Variants in GATA4 observed in about 807,000 individuals in gnomAD.
GATA4 encodes GATA binding protein 4.
A neutral mutation model predicts 37.9 loss-of-function variants in GATA4; 7 were observed. The observed-to-expected ratio is 0.18, with a 90% CI of 0.11 to 0.35. GATA4 has a LOEUF of 0.35. Ranked by LOEUF, GATA4 falls within the 10% of genes least tolerant of loss-of-function variation. The pLI, the probability that GATA4 is intolerant of heterozygous loss-of-function variation, is 1.00. For missense variants in GATA4, 647 were observed against 653.0 expected, an observed-to-expected ratio of 0.99 and a Z score of 0.10; for synonymous variants, 372 against 292.6, an observed-to-expected ratio of 1.27 and a Z score of -2.77.
chr8:11,733,008 T>G (rs979019097), intron 2 of GATA4, among the ~76,000 whole-genome samples: 3 of 152,130 alleles, frequency 2.0e-5, no homozygotes, highest in African/African-American at 7.2e-5. Flanking sequence ...TAAATTTCCT[T>G]GTTAATAAAA....
At chr8:11,710,288 G>T (rs964964953) in intron 2 of GATA4, among the ~76,000 whole-genome samples, 1 of 152,164 alleles carries the variant, frequency 6.6e-6, no homozygotes, top group Non-Finnish European at 1.5e-5. Flanking sequence ...GCCACCCCCA[G>T]GGGAGGAGGG....
At chr8:11,689,638 C>T (rs77046931), upstream of GATA4, among the ~76,000 whole-genome samples, 950 of 152,286 alleles carry the variant, frequency 6.2e-3, 9 homozygotes, top group African/African-American at 0.021. Context: ...GGAATGACTG[C>T]GGTTTTGAAT....
intron 4 of GATA4, among the ~76,000 whole-genome samples, chr8:11,751,508 C>A (rs556736676): frequency 6.6e-6 from 1 of 152,214 alleles, no homozygotes; most frequent in East Asian, 1.9e-4. Context: ...CTGTGTACCC[C>A]CTTGGTACCT....
At chr8:11,716,975 G>C (rs1395844026) in intron 2 of GATA4, among the ~76,000 whole-genome samples, 1 of 152,226 alleles carries the variant, frequency 6.6e-6, no homozygotes, top group African/African-American at 2.4e-5. Flanking sequence ...TTAAGAACTT[G>C]AAGCAACTTT....
rs1329688744 is a variant in GATA4, at chr8:11,708,627, G to A, written c.315G>A (p.Ser105=). 3 of 1,340,502 alleles carry A rather than the reference G, an allele frequency of 2.2e-6. No individual in the cohort carries two copies. Among genetic ancestry groups the A allele is most frequent in the Admixed American group, 6.4e-5 (2 of 31,224 alleles). 83.0% of individuals were successfully genotyped at this position (1,340,502 alleles called of 1,614,324 possible). A position where few individuals can be genotyped will look rare whatever the true frequency, so the allele number is the denominator to read the frequency against. ...CCGCTTACACCCCGCCGCCGGTGTC[G>A]CCGCGCTTCTCCTTCCCGGGGACCA... ...DGAAYTPPPV[S]PRFSFPGTTG... Residue 105 remains serine, a synonymous_variant, in exon 2 of 7, where the codon TCG becomes TCA. Transcript: ENST00000532059. This position sits in a 1 kb window ranked among gnomAD's most constrained non-coding sequence, Gnocchi z 6.7.
At chr8:11,739,832 G>T (rs911767546) in intron 2 of GATA4, among the ~76,000 whole-genome samples, 3 of 152,182 alleles carry the variant, frequency 2.0e-5, no homozygotes, top group Non-Finnish European at 4.4e-5. Context: ...TGCCCGGCCT[G>T]CTCTGCACCT....
At chr8:11,744,443 G>A (rs1328410222) in intron 2 of GATA4, among the ~76,000 whole-genome samples, 3 of 152,216 alleles carry the variant, frequency 2.0e-5, no homozygotes, top group Non-Finnish European at 4.4e-5. Context: ...GGTGGGAGGG[G>A]CTGCATCCGA....
At chr8:11,680,687 T>C (rs1798937180) in intron 1 of GATA4, 4 of 984,878 alleles carry the variant, frequency 4.1e-6, no homozygotes, top group Non-Finnish European at 4.8e-6. Flanking sequence ...GACCCCCCCC[T>C]TGGGGAGACC....
At chr8:11,740,279 G>A (rs756756272) in intron 2 of GATA4, among the ~76,000 whole-genome samples, 1 of 152,214 alleles carries the variant, frequency 6.6e-6, no homozygotes, top group Non-Finnish European at 1.5e-5. Context: ...AGCATGTCAC[G>A]GATGCAGGTC....
intron 2 of GATA4, among the ~76,000 whole-genome samples, chr8:11,733,541 C>A (rs547155511): frequency 1.3e-5 from 2 of 152,312 alleles, no homozygotes; most frequent in East Asian, 3.9e-4. Flanking sequence ...TTGGCATTAG[C>A]ATTGAATCCT....
At chr8:11,703,531 A>T (rs772441800), upstream of GATA4, among the ~76,000 whole-genome samples, 154 of 152,248 alleles carry the variant, frequency 1.0e-3, no homozygotes, top group Non-Finnish European at 2.8e-4. Context: ...GGGAAAGATT[A>T]GAAGAGAGGA....
chr8:11,681,837 G>A (rs1023107906), intron 1 of GATA4, among the ~76,000 whole-genome samples: 22 of 152,066 alleles, frequency 1.4e-4, no homozygotes, highest in African/African-American at 4.8e-4. Flanking sequence ...GGGCAGACCC[G>A]GCTGATGTAA....
Position 11,758,564 on chromosome 8 carries a change from T to G in GATA4, c.*89T>G, listed in dbSNP as rs1802726515. On this transcript the variant is annotated 3_prime_UTR_variant, in exon 7 of 7. Transcript: ENST00000532059. ...GGCCCTGGGCTCCCAGGGGCCGGCC[T>G]CCTCTGCCTGGTAATGACTCCAGAA... The G allele has an allele frequency of 7.8e-7, 1 of 1,289,400 alleles. No homozygotes were observed. The allele number at this position is 1,289,400 out of a possible 1,614,324, so 79.9% of individuals were successfully genotyped here.
At chr8:11,686,165 G>C (rs1216125982) in intron 1 of GATA4, among the ~76,000 whole-genome samples, 1 of 151,584 alleles carries the variant, frequency 6.6e-6, no homozygotes, top group Non-Finnish European at 1.5e-5. Flanking sequence ...AAGTAGAAGT[G>C]AGATCCCACC....
chr8:11,685,456 G>T (rs975040171), intron 1 of GATA4, among the ~76,000 whole-genome samples: 3 of 152,218 alleles, frequency 2.0e-5, no homozygotes, highest in African/African-American at 7.2e-5. Flanking sequence ...CCAGATCCAA[G>T]ACATGTCAGC....
rs1357024509 is a variant in GATA4, at chr8:11,708,837, A to T, written c.525A>T (p.Ala175=). ...CCGACGTGGGCGCGTCCTGGGCCGC[A>T]GCCGCCGCCGCCTCCGCCGGCCCCT... ...YMADVGASWA[A]AAAASAGPFD... The change falls in exon 2 of 7, where the codon GCA becomes GCT. Residue 175 remains alanine (A), a synonymous_variant. Transcript: ENST00000532059. The surrounding 1 kb of genome is among the most constrained non-coding windows in gnomAD (Gnocchi z 6.7). 1 of 1,494,548 alleles carries T rather than the reference A, an allele frequency of 6.7e-7. No homozygotes were observed. Among genetic ancestry groups the T allele is most frequent in the Non-Finnish European group, 8.8e-7 (1 of 1,129,950 alleles). The allele number at this position is 1,494,548 out of a possible 1,614,324, so 92.6% of individuals were successfully genotyped here.
At chr8:11,681,236 G>T (rs1585542243) in intron 1 of GATA4, 1 of 985,390 alleles carries the variant, frequency 1.0e-6, no homozygotes, top group African/African-American at 1.7e-5. Context: ...GACGTTTGGG[G>T]ACTTACAGCT....
intron 1 of GATA4, among the ~76,000 whole-genome samples, chr8:11,705,005 G>T (rs576466491): frequency 2.6e-5 from 4 of 152,270 alleles, no homozygotes; most frequent in Non-Finnish European, 4.4e-5. Context: ...CGGCCACGGG[G>T]CTGCCCGGAT....
At chr8:11,719,339 A>C (rs898124607) in intron 2 of GATA4, among the ~76,000 whole-genome samples, 1 of 152,200 alleles carries the variant, frequency 6.6e-6, no homozygotes, top group East Asian at 1.9e-4. Context: ...AACAACAAAT[A>C]AAACCTTTCC....
Sources: allele counts gnomAD v4.1 joint callset (sites outside exome capture counted in the v4.1 genomes callset), GRCh38; gene constraint gnomAD v4.1.1; non-coding constraint Gnocchi (gnomAD v3.1); transcripts MANE v1.5; gene names NCBI Gene and HGNC (gene_info 2026-07-23, HGNC 2026-07-21).